The following SLC30A4 variants were observed in gnomAD, a reference collection of about 807,000 sequenced individuals.
SLC30A4 encodes the protein solute carrier family 30 member 4.
A neutral mutation model predicts 41.7 loss-of-function variants in SLC30A4; 20 were observed. The observed-to-expected ratio is 0.48, with a 90% CI of 0.34 to 0.70. The LOEUF is 0.70. Among genes scored for constraint, SLC30A4 ranks in the 30% least tolerant of loss-of-function variants. SLC30A4 has a pLI of 0.01. For synonymous variants in SLC30A4, 181 were observed against 195.9 expected (o/e 0.92, Z 0.64); for missense variants, 441 against 529.3 (o/e 0.83, Z 1.64).
At chr15:45,494,755 T>G (rs1012686356) in intron 3 of SLC30A4, among the ~76,000 whole-genome samples, 1 of 152,122 alleles carries the variant, frequency 6.6e-6, no homozygotes, top group Non-Finnish European at 1.5e-5. Context: ...CTGTAGAATC[T>G]CATGTGCTTG....
chr15:45,505,146 G>A (rs1007188807), intron 3 of SLC30A4, among the ~76,000 whole-genome samples: 2 of 151,220 alleles, frequency 1.3e-5, no homozygotes, highest in Non-Finnish European at 2.9e-5. Flanking sequence ...CAGAAGAATC[G>A]CTTGAATCCG....
At chr15:45,517,345 C>CTTTTTTTTTTTTTTTTT (rs1166130286) in intron 2 of SLC30A4, among the ~76,000 whole-genome samples, 1 of 65,574 alleles carries the variant, frequency 1.5e-5, no homozygotes, top group Non-Finnish European at 2.7e-5. Flanking sequence ...CCAATCCATT[C>CTTTTTTTTTTTTTTTTT]TTTTTTTTTT....
intron 5 of SLC30A4, among the ~76,000 whole-genome samples, 158 bp downstream of exon 5, chr15:45,488,683 G>A (rs1891752284): frequency 6.6e-6 from 1 of 152,168 alleles, no homozygotes; most frequent in South Asian, 2.1e-4. Context: ...TTTGTTTACT[G>A]CTAACAAAAG....
At chr15:45,493,097 G>T (rs1453130525) in intron 3 of SLC30A4, among the ~76,000 whole-genome samples, 1 of 151,866 alleles carries the variant, frequency 6.6e-6, no homozygotes. Context: ...CATGGCAAAA[G>T]CCCGTCTCTA....
At chr15:45,487,856 A>G (rs1008721211) in intron 5 of SLC30A4, among the ~76,000 whole-genome samples, 2 of 150,896 alleles carry the variant, frequency 1.3e-5, no homozygotes, top group Admixed American at 6.6e-5. Context: ...CACTTGTTCT[A>G]TTGTTCCTTG....
chr15:45,495,974 AAC>A (rs2140823711), intron 3 of SLC30A4, among the ~76,000 whole-genome samples: 1 of 152,312 alleles, frequency 6.6e-6, no homozygotes, highest in Non-Finnish European at 1.5e-5. Flanking sequence ...TATCTTTTAT[AAC>A]AGTTATATGT....
chr15:45,509,579 A>G lies in SLC30A4; in HGVS notation c.538+1559T>C, dbSNP rs186451718. Among the ~76,000 whole-genome samples the G allele has an allele frequency of 5.9e-5, 9 of 152,246 alleles. No individual in the cohort carries two copies. In the East Asian group the frequency reaches 1.2e-3, roughly 20 times the overall value. On this transcript the variant is annotated intron_variant, in intron 3 of 7. Coordinates refer to ENST00000261867, the MANE Select transcript of SLC30A4 (RefSeq NM_013309.6). ...AGGAACACATTCACATGCATTATGC[A>G]GTAGCTTAACAAAAGAAAAACTTCA...
chr15:45,522,649 G>T lies in SLC30A4; in HGVS notation c.-157C>A. 3.9e-6 allele frequency: 1 copy of T among 257,004 alleles called. No homozygotes were observed. The highest frequency in any genetic ancestry group is 7.8e-5 in the East Asian group (1 of 12,766). 15.9% of individuals were successfully genotyped at this position (257,004 alleles called of 1,614,324 possible). ...GGCCGCAACTCATCTCCCCGCCCCC[G>T]GCCGGCTCAGCGAGGCGGGCTCGCG... On this transcript the variant is annotated 5_prime_UTR_variant, in exon 1 of 8. Coordinates refer to ENST00000261867, the MANE Select transcript of SLC30A4 (RefSeq NM_013309.6).
chr15:45,486,939 G>A (rs558047587), intron 6 of SLC30A4, among the ~76,000 whole-genome samples, 194 bp from the exon 7 acceptor site: 2 of 151,516 alleles, frequency 1.3e-5, no homozygotes, highest in South Asian at 2.1e-4. Context: ...ATATACAAGA[G>A]GGTAATACAT....
In SLC30A4 at chr15:45,522,321, A is replaced by C; in HGVS notation, c.34T>G (p.Ser12Ala). ...GGCGCATCATCCTTCCTTAGCATAG[A>C]TTTGAGGCGCTTCCACGCGCCAGAG... ...AGSGAWKRLK[S>A]MLRKDDAPLF... Residue 12 changes from serine (S) to alanine (A), a missense_variant, in exon 2 of 8, where the codon TCT becomes GCT. Transcript: ENST00000261867. 6.2e-7 allele frequency: 1 copy of C among 1,613,064 alleles called. No individual in the cohort carries two copies. Among genetic ancestry groups the C allele is most frequent in the East Asian group, 2.2e-5 (1 of 44,850 alleles).
chr15:45,493,838 CA>C (rs199914892), intron 3 of SLC30A4, among the ~76,000 whole-genome samples: 1 of 150,908 alleles, frequency 6.6e-6, no homozygotes, highest in African/African-American at 2.4e-5. Context: ...AAAACAAAAA[CA>C]AAAAAAACAC....
intron 2 of SLC30A4, among the ~76,000 whole-genome samples, chr15:45,521,327 C>T (rs562034581): frequency 1.1e-4 from 16 of 152,268 alleles, no homozygotes; most frequent in African/African-American, 3.6e-4. Flanking sequence ...TCATTTCAGG[C>T]CCTTCTTACG....
At chr15:45,517,911 G>A (rs1892539132) in intron 2 of SLC30A4, among the ~76,000 whole-genome samples, 1 of 152,162 alleles carries the variant, frequency 6.6e-6, no homozygotes, top group African/African-American at 2.4e-5. Flanking sequence ...TCACACCACT[G>A]CACTCCAGGC....
Position 45,522,012 on chromosome 15 carries a change from T to A in SLC30A4, c.343A>T (p.Thr115Ser). The A allele has an allele frequency of 6.2e-7, 1 of 1,614,220 alleles. No individual in the cohort carries two copies. Among genetic ancestry groups the A allele is most frequent in the Non-Finnish European group, 8.5e-7 (1 of 1,180,030 alleles). ...LKQRKVKARL[T>S]IAAVLYLLFM... ...AGCAAGTACAGAACGGCAGCAATGGTCAACCTGGCTTTCACCTTTCTCTGC... is the reference window on the plus strand; with the variant it reads ...AGCAAGTACAGAACGGCAGCAATGGACAACCTGGCTTTCACCTTTCTCTGC... The change falls in exon 2 of 8, where the codon ACC becomes TCC. Residue 115 changes from threonine to serine, a missense_variant. Transcript: ENST00000261867.
Position 45,480,737 on chromosome 15 carries a change from CA to C in SLC30A4, c.*4425del, listed in dbSNP as rs1330458113. The C allele has an allele frequency of 6.6e-6, 1 of 152,074 alleles. No individual in the cohort carries two copies. Among genetic ancestry groups the C allele is most frequent in the Non-Finnish European group, 1.5e-5 (1 of 68,032 alleles). 9.4% of individuals were successfully genotyped at this position (152,074 alleles called of 1,614,324 possible). On this transcript the variant is annotated 3_prime_UTR_variant, in exon 8 of 8. Transcript: ENST00000261867. ...TAAGTTGAGCCAATTAACATATATG[CA>C]TAAAAGGAAAATAGATTTAGCTAAC... is the stretch of plus-strand genomic sequence containing the variant.
chr15:45,501,221 T>A (rs577049671), intron 3 of SLC30A4, among the ~76,000 whole-genome samples: 1 of 151,614 alleles, frequency 6.6e-6, no homozygotes, highest in East Asian at 2.0e-4. Flanking sequence ...GGCAGGAGAA[T>A]GGCGTGAACC....
intron 2 of SLC30A4, 64 bp from the exon 3 acceptor site, chr15:45,511,348 C>T (rs961952745): frequency 6.8e-6 from 8 of 1,169,970 alleles, no homozygotes; most frequent in African/African-American, 1.5e-5. Context: ...AGCAATCAAA[C>T]TAGAAATATG....
At chr15:45,501,673 TA>T (rs1228453751) in intron 3 of SLC30A4, among the ~76,000 whole-genome samples, 2 of 152,066 alleles carry the variant, frequency 1.3e-5, no homozygotes, top group Non-Finnish European at 2.9e-5. Flanking sequence ...GCTAATTTTT[TA>T]AAAAGTTTTT....
At chr15:45,501,902 A>C (rs1407268214) in intron 3 of SLC30A4, 2 of 152,120 alleles carry the variant, frequency 1.3e-5, no homozygotes, top group East Asian at 3.9e-4. Context: ...ATAGCTATAA[A>C]AGATGTGATA....
Sources: gnomAD v4.1 joint callset for allele counts (sites outside exome capture counted in the v4.1 genomes callset) on GRCh38, gnomAD v4.1.1 for gene constraint, MANE v1.5 for transcripts, NCBI Gene and HGNC (gene_info 2026-07-23, HGNC 2026-07-21) for gene names.